Variants in DYNC2I1 observed in about 807,000 individuals in gnomAD.
The protein encoded by DYNC2I1 is dynein 2 intermediate chain 1.
DYNC2I1 carries 89 observed loss-of-function variants against 133.4 expected under a neutral mutation model. The observed-to-expected ratio is 0.67, with a 90% confidence interval of 0.56 to 0.80. DYNC2I1 has a LOEUF of 0.80. Ranked by LOEUF, DYNC2I1 falls within the 30% of genes least tolerant of loss-of-function variation. The probability of loss-of-function intolerance (pLI) is 0.00; values close to 1 mark genes in which losing one functional copy is unlikely to be tolerated. For missense variants in DYNC2I1, 1,291 were observed against 1,314.5 expected (o/e 0.98, Z 0.28); for synonymous variants, 504 against 484.3 (o/e 1.04, Z -0.54).
the DYNC2I1 span, among the ~76,000 whole-genome samples, chr7:158,850,438 G>A: frequency 2.2e-4 from 34 of 152,350 alleles, no homozygotes; most frequent in South Asian, 6.6e-3. Context: ...GGGAGCTCCC[G>A]TCCCAACTCA....
chr7:158,859,003 C>G (rs1841623244), intron 1 of DYNC2I1, among the ~76,000 whole-genome samples: 1 of 120,814 alleles, frequency 8.3e-6, no homozygotes, highest in East Asian at 2.6e-4. Context: ...TTCCTTTCCT[C>G]TCCTTTCCTT....
At chr7:158,919,789 A>AAAT (rs1299484391) in intron 15 of DYNC2I1, among the ~76,000 whole-genome samples, 1 of 152,268 alleles carries the variant, frequency 6.6e-6, no homozygotes, top group Admixed American at 6.5e-5. Flanking sequence ...CCTGTTAGAA[A>AAAT]AATAATAAAT....
chr7:158,858,844 C>G (rs1163098115), intron 1 of DYNC2I1, among the ~76,000 whole-genome samples: 1 of 69,638 alleles, frequency 1.4e-5, no homozygotes, highest in South Asian at 9.3e-4. Flanking sequence ...TCCCCTTTCC[C>G]CTCCCTTCCT....
At chr7:158,898,069 G>C (rs893836526) in intron 8 of DYNC2I1, among the ~76,000 whole-genome samples, 6 of 152,106 alleles carry the variant, frequency 3.9e-5, no homozygotes, top group Admixed American at 2.0e-4. Flanking sequence ...TTCTGTTACT[G>C]ATTTCTAGTG....
intron 12 of DYNC2I1, among the ~76,000 whole-genome samples, chr7:158,912,669 T>C (rs1847603442): frequency 6.6e-6 from 1 of 152,216 alleles, no homozygotes; most frequent in African/African-American, 2.4e-5. Context: ...CTGATTTCAC[T>C]GAAGCATGTA....
chr7:158,955,684 C>A (rs1852181515), intron 4 of DYNC2I1, among the ~76,000 whole-genome samples: 1 of 152,200 alleles, frequency 6.6e-6, no homozygotes, highest in African/African-American at 2.4e-5. Flanking sequence ...AACGTTTGAA[C>A]TTGAATATTT....
At chr7:158,862,375 A>G (rs1234909273) in intron 1 of DYNC2I1, among the ~76,000 whole-genome samples, 1 of 152,142 alleles carries the variant, frequency 6.6e-6, no homozygotes, top group Non-Finnish European at 1.5e-5. Flanking sequence ...TTGGTTATAC[A>G]TCACTGAACT....
chr7:158,903,853 AC>A (rs1351908833), intron 10 of DYNC2I1: 3 of 151,928 alleles, frequency 2.0e-5, no homozygotes, highest in African/African-American at 7.3e-5. Flanking sequence ...TTTTTTTGTT[AC>A]TCATTTTCAA....
intron 1 of DYNC2I1, among the ~76,000 whole-genome samples, chr7:158,861,861 C>T (rs1383405304): frequency 6.6e-6 from 1 of 152,170 alleles, no homozygotes; most frequent in Non-Finnish European, 1.5e-5. Context: ...CTTCAGAGCA[C>T]TTTTCCTACC....
Position 158,945,637 on chromosome 7 carries a change from C to T in DYNC2I1, c.3059C>T (p.Ala1020Val). ...EPEKAGGSFL[A>V]LVLARASGSI... ...GAGAAGGCTGGTGGCAGCTTCCTGGCCCTGGTGCTGGCCAGGGCGTCTGGC... is the reference window on the plus strand; with the variant it reads ...GAGAAGGCTGGTGGCAGCTTCCTGGTCCTGGTGCTGGCCAGGGCGTCTGGC... The change falls in exon 25 of 25, where the codon GCC becomes GTC. Residue 1020 changes from alanine (A) to valine (V), a missense_variant. Physicochemically the swap from Ala to Val is moderately conservative, Grantham distance 64 (BLOSUM62 0). Coordinates refer to ENST00000407559, the MANE Select transcript of DYNC2I1 (RefSeq NM_018051.5). This position sits in a 1 kb window ranked among gnomAD's most constrained non-coding sequence, Gnocchi z 4.1. The T allele has an allele frequency of 6.2e-7, 1 of 1,611,672 alleles. No individual in the cohort carries two copies.
chr7:158,954,126 G>A (rs746756857), intron 4 of DYNC2I1, among the ~76,000 whole-genome samples: 2 of 152,134 alleles, frequency 1.3e-5, no homozygotes, highest in Non-Finnish European at 2.9e-5. Flanking sequence ...CTGCACACAC[G>A]CTCCTGTCTG....
chr7:158,858,928 CT>C (rs1841597229), intron 1 of DYNC2I1, among the ~76,000 whole-genome samples: 2 of 37,432 alleles, frequency 5.3e-5, no homozygotes, highest in African/African-American at 2.4e-4. Context: ...CCCCTCCCCC[CT>C]CCCCTTTCCT....
chr7:158,932,080 G>A (rs1432458233), intron 21 of DYNC2I1, among the ~76,000 whole-genome samples: 1 of 152,158 alleles, frequency 6.6e-6, no homozygotes, highest in Non-Finnish European at 1.5e-5. Context: ...GAATCACGTG[G>A]CTGGGACTTT....
intron 4 of DYNC2I1, among the ~76,000 whole-genome samples, chr7:158,955,857 AGGGAT>A (rs1852185355): frequency 6.6e-6 from 1 of 152,214 alleles, no homozygotes; most frequent in South Asian, 2.1e-4. Flanking sequence ...GAGAAGCATG[AGGGAT>A]GGGAAGGTCA....
intron 8 of DYNC2I1, among the ~76,000 whole-genome samples, chr7:158,891,927 G>A (rs1253997401): frequency 8.2e-6 from 1 of 122,442 alleles, no homozygotes; most frequent in Non-Finnish European, 1.9e-5. Context: ...CCTCGTGTGA[G>A]GGAAGAATTG....
intron 4 of DYNC2I1, among the ~76,000 whole-genome samples, chr7:158,878,987 T>G (rs1461653083): frequency 7.1e-6 from 1 of 139,886 alleles, no homozygotes; most frequent in Non-Finnish European, 1.5e-5. Flanking sequence ...GGGTGCCATG[T>G]GGGGAGGCCA....
intron 5 of DYNC2I1, among the ~76,000 whole-genome samples, chr7:158,882,788 A>AT (rs1452879972): frequency 6.6e-6 from 1 of 151,596 alleles, no homozygotes; most frequent in African/African-American, 2.4e-5. Context: ...AGGCAGGAGA[A>AT]TTGCTTGAAC....
intron 24 of DYNC2I1, among the ~76,000 whole-genome samples, chr7:158,943,780 C>T (rs552209368): frequency 5.9e-5 from 9 of 152,280 alleles, no homozygotes; most frequent in East Asian, 3.9e-4. Context: ...TGAAGGAGAA[C>T]GTGCTAGGGA....
chr7:158,882,504 G>A (rs557343671), intron 5 of DYNC2I1, among the ~76,000 whole-genome samples: 1 of 152,222 alleles, frequency 6.6e-6, no homozygotes, highest in South Asian at 2.1e-4. Flanking sequence ...GATCACTTGA[G>A]CCGAGGAGGT....
Sources: allele counts gnomAD v4.1 joint callset (sites outside exome capture counted in the v4.1 genomes callset), GRCh38; gene constraint gnomAD v4.1.1; non-coding constraint Gnocchi (gnomAD v3.1); transcripts MANE v1.5; gene names NCBI Gene and HGNC (gene_info 2026-07-23, HGNC 2026-07-21).